Variants in RYR2 observed in about 807,000 individuals in gnomAD.
RYR2 encodes ryanodine receptor 2, also known as cardiac muscle ryanodine receptor-calcium release channel.
In RYR2, 227 loss-of-function variants were observed where a neutral mutation model predicts 601.1. The observed-to-expected ratio is 0.38, with a 90% CI of 0.34 to 0.42. The LOEUF (loss-of-function observed/expected upper bound fraction) is 0.42, where lower values mean the gene tolerates loss of function less well. RYR2 is among the 10% of genes least tolerant of loss of function. The pLI is 1.00. For synonymous variants in RYR2, 2,223 were observed against 2,175.1 expected (o/e 1.02, Z -0.61); for missense variants, 4,646 against 6,156.5 (o/e 0.75, Z 8.21).
At chr1:237,742,270 C>CCTTTTTTTTTTTTTTT in intron 79 of RYR2, 26 bp from the exon 80 acceptor site, 2 of 1,183,502 alleles carry the variant, frequency 1.7e-6, no homozygotes, top group Non-Finnish European at 2.3e-6. Flanking sequence ...TTCCTGTCTC[C>CCTTTTTTTTTTTTTTT]TTTTTTTTTT....
intron 27 of RYR2, among the ~76,000 whole-genome samples, chr1:237,565,088 T>A (rs1427100193): frequency 1.3e-5 from 2 of 152,038 alleles, no homozygotes; most frequent in East Asian, 1.9e-4. Flanking sequence ...AGGAACTTCC[T>A]TCTTCTCTTT....
intron 6 of RYR2, among the ~76,000 whole-genome samples, chr1:237,370,132 C>A (rs1329155254): frequency 6.6e-6 from 1 of 151,698 alleles, no homozygotes; most frequent in African/African-American, 2.4e-5. Flanking sequence ...TGTATATATG[C>A]ACATATATAT....
Position 237,152,802 on chromosome 1 carries a change from C to T in RYR2, c.48+110233C>T, listed in dbSNP as rs187232554. On this transcript the variant is annotated intron_variant, in intron 1 of 104. Transcript: ENST00000366574. ...CAATTGCAACAAAAGCTGAAATTGA[C>T]AAATGGGATCTCATTAAACTAAAGA... 5.3e-5 allele frequency among the ~76,000 whole-genome samples: 8 copies of T among 152,158 alleles called. No homozygotes were observed. The East Asian group carries it at 7.7e-4, about 15-fold the overall frequency.
At chr1:237,473,411 G>A (rs1337724176) in intron 17 of RYR2, among the ~76,000 whole-genome samples, 9 of 83,856 alleles carry the variant, frequency 1.1e-4, no homozygotes, top group East Asian at 4.4e-4. Context: ...GCGACAGAAC[G>A]AGACTCCATC....
chr1:237,411,853 C>T (rs556122017), intron 10 of RYR2, among the ~76,000 whole-genome samples: 2 of 152,216 alleles, frequency 1.3e-5, no homozygotes, highest in Admixed American at 1.3e-4. Flanking sequence ...GTTGACAGAG[C>T]CCTGTGGCAG....
chr1:237,086,603 A>G (rs190359604), intron 1 of RYR2, among the ~76,000 whole-genome samples: 3 of 152,220 alleles, frequency 2.0e-5, no homozygotes, highest in Admixed American at 6.5e-5. Flanking sequence ...GCTGACCTCA[A>G]CAGGGAGCCA....
At chr1:237,772,171 T>C (rs1385219292) in intron 86 of RYR2, 71 bp downstream of exon 86, 12 of 833,808 alleles carry the variant, frequency 1.4e-5, no homozygotes, top group African/African-American at 3.4e-5. Context: ...AGAGTTTTAA[T>C]GTGTTTTGGT....
At chr1:237,575,813 T>C (rs1025471460) in intron 29 of RYR2, among the ~76,000 whole-genome samples, 1 of 152,156 alleles carries the variant, frequency 6.6e-6, no homozygotes, top group East Asian at 1.9e-4. Flanking sequence ...AAAAAGAAAT[T>C]GGAGATGATA....
chr1:237,104,524 T>G (rs115870905), intron 1 of RYR2, among the ~76,000 whole-genome samples: 372 of 152,330 alleles, frequency 2.4e-3, no homozygotes, highest in African/African-American at 8.7e-3. Context: ...CGCTTAAATG[T>G]GCTGTGCCTT....
chr1:237,651,259 G>A (rs1027724984), intron 50 of RYR2, among the ~76,000 whole-genome samples, 152 bp from the exon 51 acceptor site: 2 of 152,214 alleles, frequency 1.3e-5, no homozygotes, highest in African/African-American at 4.8e-5. Flanking sequence ...AAGTAACTAA[G>A]TGGTTAATCT....
intron 25 of RYR2, among the ~76,000 whole-genome samples, chr1:237,538,394 C>CAAAAAAAAAAAAAAA (rs10551995): frequency 3.0e-5 from 1 of 32,872 alleles, no homozygotes; most frequent in African/African-American, 1.3e-4. Context: ...GACTCTGTCT[C>CAAAAAAAAAAAAAAA]AAAAAAAAAA....
chr1:237,704,387 T>A (rs1688196607), intron 66 of RYR2, among the ~76,000 whole-genome samples: 1 of 152,178 alleles, frequency 6.6e-6, no homozygotes, highest in Non-Finnish European at 1.5e-5. Flanking sequence ...CTATTTATTT[T>A]ATTCCCTGAT....
chr1:237,192,511 A>T (rs1432731995), intron 1 of RYR2, among the ~76,000 whole-genome samples: 1 of 152,202 alleles, frequency 6.6e-6, no homozygotes, highest in Admixed American at 6.5e-5. Flanking sequence ...CACAGCGCCT[A>T]GCCAACAAAA....
At chr1:237,053,646 G>A (rs145181592) in intron 1 of RYR2, among the ~76,000 whole-genome samples, 16 of 152,330 alleles carry the variant, frequency 1.1e-4, no homozygotes, top group African/African-American at 2.9e-4. Context: ...TGCCTGCTAC[G>A]TGCCATGCTT....
At chr1:237,743,516 A>G in intron 80 of RYR2, 1 of 499,530 alleles carries the variant, frequency 2.0e-6, no homozygotes, top group Non-Finnish European at 4.0e-6. Flanking sequence ...GTTTTTCTGA[A>G]GTGCACAGCA....
At chr1:237,520,455 T>TTTA (rs1666979131) in intron 24 of RYR2, among the ~76,000 whole-genome samples, 1 of 152,200 alleles carries the variant, frequency 6.6e-6, no homozygotes, top group African/African-American at 2.4e-5. Context: ...GTATATGGCC[T>TTTA]TTATTATTTT....
At chr1:237,488,057 T>C (rs1447667116) in intron 17 of RYR2, among the ~76,000 whole-genome samples, 2 of 152,178 alleles carry the variant, frequency 1.3e-5, no homozygotes, top group Admixed American at 6.6e-5. Context: ...ATACGCTATT[T>C]ACTTCCAAAA....
intron 24 of RYR2, 62 bp downstream of exon 24, chr1:237,511,853 A>AAAC: frequency 1.0e-6 from 1 of 986,948 alleles, no homozygotes; most frequent in Non-Finnish European, 1.4e-6. Flanking sequence ...AAAAAAAAAA[A>AAAC]AAAAAACAGG....
intron 1 of RYR2, among the ~76,000 whole-genome samples, chr1:237,214,574 G>A (rs1682959643): frequency 3.9e-5 from 6 of 152,138 alleles, no homozygotes; most frequent in Admixed American, 3.9e-4. Flanking sequence ...TGAGAGCTCT[G>A]CCCCTATGTT....
Sources: gnomAD v4.1 joint callset for allele counts (sites outside exome capture counted in the v4.1 genomes callset) on GRCh38, gnomAD v4.1.1 for gene constraint, MANE v1.5 for transcripts, NCBI Gene and HGNC (gene_info 2026-07-23, HGNC 2026-07-21) for gene names.